MCU: variants seen among roughly 807,000 people sequenced by gnomAD.
MCU encodes mitochondrial calcium uniporter, also known as calcium uniporter protein, mitochondrial.
In MCU, 12 loss-of-function variants were observed where a neutral mutation model predicts 45.2. The observed-to-expected ratio is 0.27, with a 90% CI of 0.17 to 0.43. The LOEUF is 0.43. MCU is among the 20% of genes least tolerant of loss of function. The pLI is 1.00. For synonymous variants in MCU, 160 were observed against 165.1 expected (o/e 0.97, Z 0.24); for missense variants, 324 against 436.7 (o/e 0.74, Z 2.30).
At chr10:72,850,161 GC>G (rs1230792935) in intron 2 of MCU, among the ~76,000 whole-genome samples, 1 of 151,878 alleles carries the variant, frequency 6.6e-6, no homozygotes, top group Non-Finnish European at 1.5e-5. Flanking sequence ...GTGAGCCACC[GC>G]GCCTGGCCCA....
intron 1 of MCU, among the ~76,000 whole-genome samples, chr10:72,733,857 T>C (rs113379397): frequency 0.019 from 2,858 of 151,906 alleles, 82 homozygotes; most frequent in African/African-American, 0.065. Context: ...GAATTAACTT[T>C]TTATTATGAT....
At chr10:72,810,733 G>T (rs1488715489) in intron 1 of MCU, among the ~76,000 whole-genome samples, 4 of 151,940 alleles carry the variant, frequency 2.6e-5, no homozygotes, top group African/African-American at 7.3e-5. Context: ...GACCTCAGGT[G>T]ATCTACCTGC....
intron 3 of MCU, chr10:72,860,099 C>A: frequency 4.9e-6 from 1 of 204,666 alleles, no homozygotes; most frequent in South Asian, 1.0e-4. Flanking sequence ...TTGACTCAAC[C>A]AGCTTCCATT....
intron 2 of MCU, among the ~76,000 whole-genome samples, chr10:72,846,994 C>T (rs556268582): frequency 4.6e-5 from 7 of 152,294 alleles, no homozygotes; most frequent in Admixed American, 2.0e-4. Flanking sequence ...TTTATTGAGA[C>T]GAAGTCTCAC....
Position 72,722,886 on chromosome 10 carries a change from A to G in MCU, c.150+30585A>G, listed in dbSNP as rs189424877. On this transcript the variant is annotated intron_variant, in intron 1 of 7. Transcript: ENST00000373053. ...AAAGCTTAATTTCCTTTATTCTATT[A>G]CTGTTATCTTCAGAAAATGTTTATT... is the stretch of plus-strand genomic sequence containing the variant. Among the ~76,000 whole-genome samples the G allele has an allele frequency of 1.6e-3, 246 of 152,290 alleles. 1 individual carries two copies. The highest frequency in any genetic ancestry group is 5.7e-3 in the African/African-American group (237 of 41,560).
At chr10:72,879,933 A>T (rs1845675111) in intron 6 of MCU, among the ~76,000 whole-genome samples, 1 of 152,150 alleles carries the variant, frequency 6.6e-6, no homozygotes, top group Non-Finnish European at 1.5e-5. Context: ...CTGTAATTCC[A>T]ACTACTGGGG....
chr10:72,870,517 C>T (rs375495231), intron 5 of MCU, among the ~76,000 whole-genome samples: 15 of 152,304 alleles, frequency 9.8e-5, no homozygotes, highest in African/African-American at 2.9e-4. Context: ...CTCCTGACCT[C>T]GTGATCCACC....
chr10:72,740,976 TTTAC>T (rs1254035296), intron 1 of MCU, among the ~76,000 whole-genome samples: 1 of 152,222 alleles, frequency 6.6e-6, no homozygotes, highest in Non-Finnish European at 1.5e-5. Flanking sequence ...TATATTAATA[TTTAC>T]TTAGTCATGC....
intron 5 of MCU, among the ~76,000 whole-genome samples, chr10:72,869,607 C>A (rs954045697): frequency 2.0e-5 from 3 of 151,530 alleles, no homozygotes; most frequent in Non-Finnish European, 2.9e-5. Flanking sequence ...AACAAAAAAA[C>A]AACAACAACA....
rs1845035419 is a variant in MCU, at chr10:72,840,724, C to A, written c.220+6296C>A. 1.3e-5 allele frequency among the ~76,000 whole-genome samples: 2 copies of A among 152,152 alleles called. 1 individual carries two copies. The highest frequency in any genetic ancestry group is 1.3e-4 in the Admixed American group (2 of 15,272). ...TATTTTAATGTGGCAGAGTTCTCAC[C>A]AACTTAAATACAAAGTTGTGAAAAC... is the stretch of plus-strand genomic sequence containing the variant. On this transcript the variant is annotated intron_variant, in intron 2 of 7. Transcript: ENST00000373053.
chr10:72,745,196 C>T (rs1843396668), intron 1 of MCU, among the ~76,000 whole-genome samples: 1 of 152,026 alleles, frequency 6.6e-6, no homozygotes, highest in Non-Finnish European at 1.5e-5. Flanking sequence ...TTACATTTAC[C>T]TAAAGTTAGT....
intron 5 of MCU, 123 bp from the exon 6 acceptor site, chr10:72,871,254 T>TTTACTACAATTATAA: frequency 1.2e-6 from 1 of 838,492 alleles, no homozygotes; most frequent in Admixed American, 2.0e-5. Flanking sequence ...ACAAGCTATA[T>TTTACTACAATTATAA]TTACTAGAAT....
intron 1 of MCU, among the ~76,000 whole-genome samples, chr10:72,785,486 A>C (rs994925407): frequency 2.0e-5 from 3 of 152,256 alleles, no homozygotes; most frequent in Non-Finnish European, 4.4e-5. Context: ...TTAGTGGCAG[A>C]TTAAGGAAAC....
In MCU at chr10:72,860,268, A is replaced by T; in HGVS notation, c.392-155A>T. 3 of 608,760 alleles carry T rather than the reference A, an allele frequency of 4.9e-6. No individual in the cohort carries two copies. In the Middle Eastern group the frequency reaches 1.3e-3, roughly 258 times the overall value. The allele number at this position is 608,760 out of a possible 1,614,324, so 37.7% of individuals were successfully genotyped here. A position where few individuals can be genotyped will look rare whatever the true frequency, so the allele number is the denominator to read the frequency against. ...CTTGAGTCCTAAAAACAGAGCTTCA[A>T]CCTAAACTTTGTTTGCATAGGAAAT... On this transcript the variant is annotated intron_variant, in intron 3 of 7. Transcript: ENST00000373053.
rs567483090 is a variant in MCU at position 72,855,247 on chromosome 10, T to A, written c.221-3930T>A. 2.9e-4 allele frequency among the ~76,000 whole-genome samples: 44 copies of A among 151,604 alleles called. No individual in the cohort carries two copies. In the South Asian group the frequency reaches 7.3e-3, roughly 25 times the overall value. ...GAGCAAGACCCTATCTCAAAAAAAATAAAAATAAATAAAATAAGGTATATT... is the reference window on the plus strand; with the variant it reads ...GAGCAAGACCCTATCTCAAAAAAAAAAAAAATAAATAAAATAAGGTATATT... On this transcript the variant is annotated intron_variant, in intron 2 of 7. Transcript: ENST00000373053.
chr10:72,695,887 G>T (rs970324528), intron 1 of MCU, among the ~76,000 whole-genome samples: 1 of 151,420 alleles, frequency 6.6e-6, no homozygotes, highest in Admixed American at 6.6e-5. Context: ...TTTTTGGCTG[G>T]GTGCGGTGGC....
chr10:72,846,249 G>A (rs1845121076), intron 2 of MCU, among the ~76,000 whole-genome samples: 1 of 152,134 alleles, frequency 6.6e-6, no homozygotes, highest in African/African-American at 2.4e-5. Context: ...CACCATGTTG[G>A]CCAGGCTGGT....
intron 1 of MCU, among the ~76,000 whole-genome samples, chr10:72,815,152 G>A (rs891886794): frequency 5.9e-5 from 9 of 152,248 alleles, no homozygotes; most frequent in Admixed American, 5.9e-4. Context: ...TTTAGGCTTT[G>A]CAGCCATATA....
intron 1 of MCU, among the ~76,000 whole-genome samples, chr10:72,790,807 G>C (rs1259466013): frequency 1.3e-5 from 2 of 152,116 alleles, no homozygotes; most frequent in African/African-American, 4.8e-5. Flanking sequence ...CACCACTTCA[G>C]TCGAAATGTA....
Sources: gnomAD v4.1 joint callset for allele counts (sites outside exome capture counted in the v4.1 genomes callset) on GRCh38, gnomAD v4.1.1 for gene constraint, MANE v1.5 for transcripts, NCBI Gene and HGNC (gene_info 2026-07-23, HGNC 2026-07-21) for gene names.